GUCY1A2: variants seen among roughly 807,000 people sequenced by gnomAD.
The protein encoded by GUCY1A2 is guanylate cyclase 1 soluble subunit alpha 2.
Under a neutral mutation model 63.5 loss-of-function variants are expected in GUCY1A2, and 27 were observed. That is an observed-to-expected ratio of 0.43 (90% CI 0.31 to 0.59). GUCY1A2 has a LOEUF of 0.59. Among genes scored for constraint, GUCY1A2 ranks in the 20% least tolerant of loss-of-function variants. GUCY1A2 has a pLI of 0.11. For synonymous variants in GUCY1A2, 364 were observed against 343.5 expected, an observed-to-expected ratio of 1.06 and a Z score of -0.66; for missense variants, 768 against 913.3, an observed-to-expected ratio of 0.84 and a Z score of 2.05.
chr11:106,752,785 G>T (rs566562420), intron 6 of GUCY1A2, among the ~76,000 whole-genome samples: 11 of 152,250 alleles, frequency 7.2e-5, no homozygotes, highest in African/African-American at 2.6e-4. Flanking sequence ...TTGGTTCCAA[G>T]ACTTTGCTAT....
At chr11:106,832,548 C>T (rs1359840736) in intron 4 of GUCY1A2, among the ~76,000 whole-genome samples, 4 of 152,030 alleles carry the variant, frequency 2.6e-5, no homozygotes, top group African/African-American at 9.7e-5. Flanking sequence ...GTATTCTTGT[C>T]TGGAGCATGT....
At chr11:106,845,400 T>C (rs536774588) in intron 4 of GUCY1A2, among the ~76,000 whole-genome samples, 3 of 151,700 alleles carry the variant, frequency 2.0e-5, no homozygotes, top group Admixed American at 2.0e-4. Context: ...GTTTCTTAAC[T>C]GTTTACATGA....
intron 3 of GUCY1A2, among the ~76,000 whole-genome samples, chr11:106,963,111 T>C (rs1371360661): frequency 1.3e-5 from 2 of 152,130 alleles, no homozygotes; most frequent in African/African-American, 4.8e-5. Flanking sequence ...CTACTAAATA[T>C]AGAAATACTT....
intron 7 of GUCY1A2, among the ~76,000 whole-genome samples, chr11:106,706,807 T>G (rs1437783533): frequency 6.6e-6 from 1 of 151,964 alleles, no homozygotes; most frequent in Non-Finnish European, 1.5e-5. Context: ...CAGTAACTTT[T>G]TTCATCGTAT....
At position 106,884,732 on chromosome 11, in the gene GUCY1A2, A is replaced by G. The variant is rs547939120; in HGVS notation, c.1206+54728T>C. On this transcript the variant is annotated intron_variant, in intron 4 of 7. Coordinates refer to ENST00000526355, the MANE Select transcript of GUCY1A2 (RefSeq NM_000855.3). ...AATGTCCCTGGAGGTAATGAATGTTAGCAAGAAGCTATACTTCTAGTTTTT... is the reference window on the plus strand; with the variant it reads ...AATGTCCCTGGAGGTAATGAATGTTGGCAAGAAGCTATACTTCTAGTTTTT... Among the ~76,000 whole-genome samples the G allele has an allele frequency of 4.6e-5, 7 of 152,304 alleles. No homozygotes were observed. The East Asian group carries it at 1.4e-3, about 29-fold the overall frequency.
chr11:107,018,108 C>CGGCGGAGGCGGCGGT lies in GUCY1A2; in HGVS notation c.-68_-54dup. The CGGCGGAGGCGGCGGT allele has an allele frequency of 3.3e-6, 4 of 1,198,698 alleles. No homozygotes were observed. The East Asian group carries it at 1.4e-4, about 42-fold the overall frequency. The allele number at this position is 1,198,698 out of a possible 1,614,324, so 74.3% of individuals were successfully genotyped here. A position where few individuals can be genotyped will look rare whatever the true frequency, so the allele number is the denominator to read the frequency against. On this transcript the variant is annotated 5_prime_UTR_variant, in exon 1 of 8. Transcript: ENST00000526355. ...GCGGTGGCGGCGAGGACGCGAGCGGCGGCGGAGGCGGCGGTGGCGGGACCG... is the reference window on the plus strand; with the variant it reads ...GCGGTGGCGGCGAGGACGCGAGCGGCGGCGGAGGCGGCGGTGGCGGAGGCGGCGGTGGCGGGACCG...
intron 4 of GUCY1A2, among the ~76,000 whole-genome samples, chr11:106,913,826 T>C (rs1334333170): frequency 2.0e-5 from 3 of 151,790 alleles, no homozygotes; most frequent in East Asian, 1.9e-4. Flanking sequence ...AGATTTCCTA[T>C]AGGGGAAAAT....
At chr11:106,835,319 G>A (rs1859102061) in intron 4 of GUCY1A2, among the ~76,000 whole-genome samples, 1 of 151,694 alleles carries the variant, frequency 6.6e-6, no homozygotes, top group African/African-American at 2.4e-5. Flanking sequence ...AATATTAGAT[G>A]CCACTAAAGA....
intron 5 of GUCY1A2, among the ~76,000 whole-genome samples, chr11:106,797,002 C>A (rs1164038298): frequency 6.6e-6 from 1 of 152,028 alleles, no homozygotes; most frequent in African/African-American, 2.4e-5. Context: ...CTAAACTTCT[C>A]TTCTCGCTTC....
intron 6 of GUCY1A2, among the ~76,000 whole-genome samples, chr11:106,764,908 T>C (rs1379491688): frequency 7.1e-6 from 1 of 140,806 alleles, no homozygotes; most frequent in African/African-American, 2.6e-5. Context: ...ATATAAACTT[T>C]CTAAATCTCA....
At chr11:106,888,182 G>A (rs1353250843) in intron 4 of GUCY1A2, among the ~76,000 whole-genome samples, 1 of 152,084 alleles carries the variant, frequency 6.6e-6, no homozygotes, top group Non-Finnish European at 1.5e-5. Flanking sequence ...TTTGAGGCCG[G>A]GCACGGTGGC....
At chr11:106,746,689 TAAAA>T (rs769220339) in intron 6 of GUCY1A2, 11 of 1,121,780 alleles carry the variant, frequency 9.8e-6, no homozygotes, top group Non-Finnish European at 1.4e-5. Context: ...GGGACAAAAA[TAAAA>T]AATCAGTACT....
chr11:107,017,918 C>T lies in GUCY1A2; in HGVS notation c.138G>A (p.Leu46=). 7.7e-7 allele frequency: 1 copy of T among 1,290,966 alleles called. No homozygotes were observed. The highest frequency in any genetic ancestry group is 9.8e-7 in the Non-Finnish European group (1 of 1,015,280). The allele number at this position is 1,290,966 out of a possible 1,614,324, so 80.0% of individuals were successfully genotyped here. Residue 46 remains leucine, a synonymous_variant, in exon 1 of 8, where the codon CTG becomes CTA. Transcript: ENST00000526355. ...WNGSRSPPGP[L]EPSPAAAAAA... ...CGGCAGCTGCGGCCGGGCTGGGCTC[C>T]AGCGGCCCGGGCGGGCTCCGGCTGC...
chr11:106,680,327 T>C lies in GUCY1A2; in HGVS notation c.*7222A>G. ...TTTAATAGACCACAGTAAAAATATATTAAGTAGAATTCCTTCTTTATCTGC... is the reference window on the plus strand; with the variant it reads ...TTTAATAGACCACAGTAAAAATATACTAAGTAGAATTCCTTCTTTATCTGC... On this transcript the variant is annotated 3_prime_UTR_variant, in exon 8 of 8. Transcript: ENST00000526355. 9.6e-6 allele frequency: 2 copies of C among 208,910 alleles called. No individual in the cohort carries two copies. The highest frequency in any genetic ancestry group is 1.9e-5 in the Non-Finnish European group (2 of 102,586). The allele number at this position is 208,910 out of a possible 1,614,324, so 12.9% of individuals were successfully genotyped here.
At chr11:106,903,630 G>A (rs1860164502) in intron 4 of GUCY1A2, among the ~76,000 whole-genome samples, 1 of 152,144 alleles carries the variant, frequency 6.6e-6, no homozygotes, top group Non-Finnish European at 1.5e-5. Flanking sequence ...TCCGAACAGA[G>A]AGTCATGCTT....
chr11:106,868,486 T>C (rs1410306777), intron 4 of GUCY1A2, among the ~76,000 whole-genome samples: 13 of 152,158 alleles, frequency 8.5e-5, no homozygotes. Flanking sequence ...AGCCAAATCA[T>C]GAGTGAACTC....
intron 4 of GUCY1A2, among the ~76,000 whole-genome samples, chr11:106,933,517 G>GC (rs1024250120): frequency 2.7e-4 from 41 of 152,062 alleles, no homozygotes; most frequent in African/African-American, 9.9e-4. Flanking sequence ...TTAGTTCAGC[G>GC]TTTGTGAAAA....
chr11:106,695,146 A>T (rs1463501447), intron 7 of GUCY1A2, among the ~76,000 whole-genome samples: 2 of 151,988 alleles, frequency 1.3e-5, no homozygotes, highest in Non-Finnish European at 2.9e-5. Context: ...GCATACACTT[A>T]CCACCTTCCT....
In GUCY1A2 at chr11:107,018,428, G is replaced by C. The variant is rs1861860978; in HGVS notation, c.-373C>G. Reference sequence around the variant, plus strand: ...AGTGTGTGACCGCGGTCGGCGGGGCGGGGAGGGCTGCGGCCCAAGCAGAAG... The same window carrying C: ...AGTGTGTGACCGCGGTCGGCGGGGCCGGGAGGGCTGCGGCCCAAGCAGAAG... On this transcript the variant is annotated 5_prime_UTR_variant, in exon 1 of 8. Coordinates refer to ENST00000526355, the MANE Select transcript of GUCY1A2 (RefSeq NM_000855.3). The C allele has an allele frequency of 1.3e-5, 2 of 150,070 alleles. No homozygotes were observed. The highest frequency in any genetic ancestry group is 6.6e-5 in the Admixed American group (1 of 15,142). The allele number at this position is 150,070 out of a possible 1,614,324, so 9.3% of individuals were successfully genotyped here. A position where few individuals can be genotyped will look rare whatever the true frequency, so the allele number is the denominator to read the frequency against.
Sources: gnomAD v4.1 joint callset for allele counts (sites outside exome capture counted in the v4.1 genomes callset) on GRCh38, gnomAD v4.1.1 for gene constraint, MANE v1.5 for transcripts, NCBI Gene and HGNC (gene_info 2026-07-23, HGNC 2026-07-21) for gene names.